Variants in EYS observed in about 807,000 individuals in gnomAD.
EYS encodes the protein protein eyes shut homolog.
In EYS, 250 loss-of-function variants were observed where a neutral mutation model predicts 282.1. The ratio of observed to expected loss-of-function variants is 0.89; its 90% confidence interval spans 0.80 to 0.98. The LOEUF is 0.98. Among genes scored for constraint, EYS ranks in the 50% least tolerant of loss-of-function variants. The probability of loss-of-function intolerance (pLI) is 0.00; values close to 1 mark genes in which losing one functional copy is unlikely to be tolerated. For missense variants in EYS, 4,016 were observed against 3,709.0 expected (o/e 1.08, Z -2.15); for synonymous variants, 1,355 against 1,282.9 (o/e 1.06, Z -1.20).
At chr6:64,946,768 A>C (rs1769298910) in intron 14 of EYS, among the ~76,000 whole-genome samples, 2 of 151,992 alleles carry the variant, frequency 1.3e-5, no homozygotes, top group Admixed American at 1.3e-4. Context: ...GAATGTTGAA[A>C]AGTTAGTATT....
At chr6:64,332,822 A>G (rs924054204) in intron 29 of EYS, among the ~76,000 whole-genome samples, 1 of 152,214 alleles carries the variant, frequency 6.6e-6, no homozygotes, top group Non-Finnish European at 1.5e-5. Context: ...GTAAATGTGG[A>G]TTGAATTTAC....
chr6:65,453,737 T>C (rs901571002), intron 5 of EYS, among the ~76,000 whole-genome samples: 11 of 152,030 alleles, frequency 7.2e-5, no homozygotes, highest in Non-Finnish European at 1.3e-4. Flanking sequence ...AGATATCAAC[T>C]TCTTTTATTT....
intron 29 of EYS, among the ~76,000 whole-genome samples, chr6:64,368,751 G>T (rs1427968465): frequency 6.6e-6 from 1 of 151,788 alleles, no homozygotes; most frequent in Non-Finnish European, 1.5e-5. Flanking sequence ...TTTTTAAATG[G>T]GGTTGTTTTT....
At chr6:65,553,236 T>C (rs1002731103) in intron 2 of EYS, among the ~76,000 whole-genome samples, 4 of 152,202 alleles carry the variant, frequency 2.6e-5, no homozygotes, top group Non-Finnish European at 5.9e-5. Flanking sequence ...CAGCATATTG[T>C]AATGTGAAAA....
At chr6:65,498,520 T>C (rs1285826091) in intron 2 of EYS, among the ~76,000 whole-genome samples, 1 of 151,998 alleles carries the variant, frequency 6.6e-6, no homozygotes, top group Non-Finnish European at 1.5e-5. Context: ...TGAGCCCACA[T>C]TATTGTGGGG....
chr6:64,592,185 G>A (rs890872125), intron 25 of EYS, among the ~76,000 whole-genome samples, 196 bp from the exon 26 acceptor site: 1 of 152,054 alleles, frequency 6.6e-6, no homozygotes, highest in Non-Finnish European at 1.5e-5. Flanking sequence ...TAAATGCAAA[G>A]ATTCCTATTA....
Position 65,569,197 on chromosome 6 carries a change from C to G in EYS, c.-333+70581G>C, listed in dbSNP as rs568536268. On this transcript the variant is annotated intron_variant, in intron 2 of 42. Coordinates refer to ENST00000503581, the MANE Select transcript of EYS (RefSeq NM_001142800.2). ...GGCTCATCCCGGCTCAAAAGCTCCC[C>G]CACTGAGCACCTTGTGACCCCCGCC... is the stretch of plus-strand genomic sequence containing the variant. Among the ~76,000 whole-genome samples, 4 of 152,178 alleles carry G rather than the reference C, an allele frequency of 2.6e-5. No individual in the cohort carries two copies. In the South Asian group the frequency reaches 8.3e-4, roughly 32 times the overall value.
intron 2 of EYS, among the ~76,000 whole-genome samples, chr6:65,543,143 G>A (rs916751234): frequency 5.9e-5 from 9 of 151,750 alleles, no homozygotes; most frequent in Non-Finnish European, 8.8e-5. Flanking sequence ...TTCAGCCTCC[G>A]GAGTAGCTGG....
intron 5 of EYS, among the ~76,000 whole-genome samples, chr6:65,468,366 C>T (rs971667898): frequency 9.9e-5 from 15 of 152,102 alleles, no homozygotes; most frequent in African/African-American, 3.6e-4. Flanking sequence ...CTATTATTCC[C>T]ACTAAGCTAG....
chr6:64,173,903 C>T (rs551935356), intron 31 of EYS, among the ~76,000 whole-genome samples: 1 of 152,102 alleles, frequency 6.6e-6, no homozygotes, highest in African/African-American at 2.4e-5. Flanking sequence ...TGCTCAACAG[C>T]AGATGGGAAC....
At position 64,045,787 on chromosome 6, in the gene EYS, G is replaced by A. The variant is rs150141833; in HGVS notation, c.6725+20551C>T. 2.0e-5 allele frequency among the ~76,000 whole-genome samples: 3 copies of A among 150,318 alleles called. No homozygotes were observed. The East Asian group carries it at 5.8e-4, about 29-fold the overall frequency. ...ACAACTGTTAAATATTATGCAATAT[G>A]TAATATTATATATATGTATGTATGT... On this transcript the variant is annotated intron_variant, in intron 33 of 42. Coordinates refer to ENST00000503581, the MANE Select transcript of EYS (RefSeq NM_001142800.2).
At chr6:64,179,051 G>A (rs1305332597) in intron 31 of EYS, among the ~76,000 whole-genome samples, 1 of 151,830 alleles carries the variant, frequency 6.6e-6, no homozygotes, top group Non-Finnish European at 1.5e-5. Flanking sequence ...CAAAGCCTCC[G>A]GAACACTATA....
intron 5 of EYS, among the ~76,000 whole-genome samples, chr6:65,486,728 A>G (rs2127261195): frequency 6.6e-6 from 1 of 152,346 alleles, no homozygotes; most frequent in South Asian, 2.1e-4. Context: ...GAGAGAGTCA[A>G]CAACTTTGCA....
intron 22 of EYS, among the ~76,000 whole-genome samples, chr6:64,643,370 T>C (rs1316586934): frequency 6.6e-6 from 1 of 152,220 alleles, no homozygotes; most frequent in Admixed American, 6.5e-5. Context: ...TTACTGTTAA[T>C]TGTCCTGGGC....
chr6:65,073,433 A>G (rs1773954673), intron 12 of EYS, among the ~76,000 whole-genome samples: 1 of 151,794 alleles, frequency 6.6e-6, no homozygotes. Flanking sequence ...AATAAGCTTT[A>G]AACAACCAAA....
In EYS at chr6:63,937,158, T is replaced by C. The variant is rs115520183; in HGVS notation, c.7055+47225A>G. ...ATACTAGACAATTGTAGGATGCAAA[T>C]GGGAATCGGATATAGTCCTTGTCCT... On this transcript the variant is annotated intron_variant, in intron 35 of 42. Coordinates refer to ENST00000503581, the MANE Select transcript of EYS (RefSeq NM_001142800.2). 8.7e-4 allele frequency among the ~76,000 whole-genome samples: 133 copies of C among 152,026 alleles called. 1 individual carries two copies. The highest frequency in any genetic ancestry group is 3.1e-3 in the African/African-American group (129 of 41,460).
At chr6:64,774,345 A>G (rs1016142086) in intron 22 of EYS, among the ~76,000 whole-genome samples, 8 of 151,906 alleles carry the variant, frequency 5.3e-5, no homozygotes, top group African/African-American at 1.9e-4. Context: ...CATAGTTGTA[A>G]CTGCAAAGGC....
intron 30 of EYS, among the ~76,000 whole-genome samples, chr6:64,252,394 A>G (rs572516026): frequency 1.3e-5 from 2 of 152,264 alleles, no homozygotes; most frequent in African/African-American, 2.4e-5. Context: ...ACTGTTGACT[A>G]TCACCACTTC....
intron 7 of EYS, among the ~76,000 whole-genome samples, chr6:65,391,674 T>G (rs900334055): frequency 1.3e-5 from 2 of 151,912 alleles, no homozygotes; most frequent in Admixed American, 1.3e-4. Flanking sequence ...TAAAAGAGGA[T>G]ACAAACAAAT....
Sources: allele counts gnomAD v4.1 joint callset (sites outside exome capture counted in the v4.1 genomes callset), GRCh38; gene constraint gnomAD v4.1.1; transcripts MANE v1.5; gene names NCBI Gene and HGNC (gene_info 2026-07-23, HGNC 2026-07-21).